Variants in CADPS observed in about 807,000 individuals in gnomAD.
The protein encoded by CADPS is calcium dependent secretion activator.
CADPS carries 57 observed loss-of-function variants against 167.3 expected under a neutral mutation model. The observed-to-expected ratio is 0.34, with a 90% CI of 0.28 to 0.42. CADPS has a LOEUF of 0.42. Among genes scored for constraint, CADPS ranks in the 20% least tolerant of loss-of-function variants. The pLI, the probability that CADPS is intolerant of heterozygous loss-of-function variation, is 1.00. For synonymous variants in CADPS, 676 were observed against 635.3 expected (o/e 1.06, Z -0.96); for missense variants, 1,414 against 1,738.1 (o/e 0.81, Z 3.32).
At chr3:62,428,486 G>A (rs1044975607) in intron 28 of CADPS, among the ~76,000 whole-genome samples, 1 of 151,842 alleles carries the variant, frequency 6.6e-6, no homozygotes, top group Non-Finnish European at 1.5e-5. Flanking sequence ...GGAGAAGAGG[G>A]TCCTGGATGT....
intron 6 of CADPS, among the ~76,000 whole-genome samples, chr3:62,623,652 G>C (rs1398473792): frequency 6.6e-6 from 1 of 152,100 alleles, no homozygotes; most frequent in African/African-American, 2.4e-5. Context: ...ATAGTGTGAG[G>C]AGTGTTAGAT....
At chr3:62,713,708 G>A (rs1428529338) in intron 3 of CADPS, among the ~76,000 whole-genome samples, 2 of 152,040 alleles carry the variant, frequency 1.3e-5, no homozygotes, top group Admixed American at 6.5e-5. Flanking sequence ...ACCCCTCCTG[G>A]GCTAAGCCTC....
chr3:62,557,636 AC>A, intron 9 of CADPS, 123 bp from the exon 10 acceptor site: 1 of 735,830 alleles, frequency 1.4e-6, no homozygotes, highest in Non-Finnish European at 2.4e-6. Context: ...GAGTTTTGCT[AC>A]CTCCTGGCTG....
chr3:62,838,328 G>T (rs987399479), intron 1 of CADPS, among the ~76,000 whole-genome samples: 18 of 152,182 alleles, frequency 1.2e-4, no homozygotes, highest in African/African-American at 4.3e-4. Context: ...TTTATAGAAG[G>T]TAACTTTAGC....
chr3:62,598,199 G>A (rs562954780), intron 6 of CADPS, among the ~76,000 whole-genome samples: 78 of 152,140 alleles, frequency 5.1e-4, no homozygotes, highest in Non-Finnish European at 1.0e-3. Context: ...CCTTCTGAAT[G>A]TAGAAGATGT....
chr3:62,634,665 T>A (rs1420785874), intron 6 of CADPS, among the ~76,000 whole-genome samples: 2 of 152,188 alleles, frequency 1.3e-5, no homozygotes, highest in African/African-American at 2.4e-5. Context: ...CTATTTGGTC[T>A]CCTAAAGGCA....
intron 6 of CADPS, among the ~76,000 whole-genome samples, chr3:62,596,308 G>A (rs2058933204): frequency 6.6e-6 from 1 of 151,278 alleles, no homozygotes; most frequent in African/African-American, 2.4e-5. Context: ...TGATTCTCCT[G>A]CCTCAGCCTC....
chr3:62,551,916 C>T (rs2077377571), intron 10 of CADPS, among the ~76,000 whole-genome samples: 1 of 152,034 alleles, frequency 6.6e-6, no homozygotes, highest in South Asian at 2.1e-4. Context: ...TATCTCTTAT[C>T]TTGCTTAATT....
chr3:62,544,678 G>A lies in CADPS; in HGVS notation c.1966+5225C>T, dbSNP rs1008101432. Among the ~76,000 whole-genome samples the A allele has an allele frequency of 6.6e-6, 1 of 152,102 alleles. No homozygotes were observed. Among genetic ancestry groups the A allele is most frequent in the African/African-American group, 2.4e-5 (1 of 41,420 alleles). On this transcript the variant is annotated intron_variant, in intron 11 of 29. Coordinates refer to ENST00000383710, the MANE Select transcript of CADPS (RefSeq NM_003716.4). This position sits in a 1 kb window ranked among gnomAD's most constrained non-coding sequence, Gnocchi z 4.4. ...TTATGCACACATCACATGCATCCTA[G>A]TTTCAGTATGGAAGCTTACATTTCA...
At chr3:62,596,637 T>C (rs2058983859) in intron 6 of CADPS, among the ~76,000 whole-genome samples, 1 of 152,228 alleles carries the variant, frequency 6.6e-6, no homozygotes. Flanking sequence ...GAAAATATGC[T>C]ATTAATTATT....
chr3:62,526,395 GA>G (rs2072232788), intron 13 of CADPS, among the ~76,000 whole-genome samples: 1 of 152,142 alleles, frequency 6.6e-6, no homozygotes, highest in Non-Finnish European at 1.5e-5. Context: ...GGCCATATGT[GA>G]AGAGCAGCAC....
chr3:62,497,318 G>A (rs1043771648), intron 18 of CADPS, among the ~76,000 whole-genome samples: 10 of 152,154 alleles, frequency 6.6e-5, no homozygotes, highest in African/African-American at 2.2e-4. Flanking sequence ...TTGTGACTGA[G>A]AAAACTGTGC....
At position 62,592,532 on chromosome 3, in the gene CADPS, A is replaced by G. The variant is rs532023369; in HGVS notation, c.1437+105T>C. The G allele has an allele frequency of 5.0e-6, 4 of 800,278 alleles. No individual in the cohort carries two copies. In the South Asian group the frequency reaches 6.5e-5, roughly 13 times the overall value. The allele number at this position is 800,278 out of a possible 1,614,324, so 49.6% of individuals were successfully genotyped here. On this transcript the variant is annotated intron_variant, in intron 7 of 29. Transcript: ENST00000383710. ...GTCCAGGACTTAATGTTCAAAACTG[A>G]GCCTCTCAGCACTTGGCAATGCTGC...
chr3:62,845,263 G>A (rs1368587188), intron 1 of CADPS, among the ~76,000 whole-genome samples: 1 of 152,142 alleles, frequency 6.6e-6, no homozygotes, highest in African/African-American at 2.4e-5. Context: ...GGAAGACCGA[G>A]CTGCATATCC....
chr3:62,442,959 G>A (rs1267938015), intron 27 of CADPS, among the ~76,000 whole-genome samples: 1 of 151,930 alleles, frequency 6.6e-6, no homozygotes, highest in East Asian at 1.9e-4. Flanking sequence ...CTATAAAATT[G>A]TTATTTATTT....
At chr3:62,510,144 C>T (rs2067471708) in intron 17 of CADPS, among the ~76,000 whole-genome samples, 1 of 151,972 alleles carries the variant, frequency 6.6e-6, no homozygotes, top group Non-Finnish European at 1.5e-5. Context: ...CTCTCCTCTC[C>T]TTTCCTCTCC....
chr3:62,446,723 C>G lies in CADPS; in HGVS notation c.3637-926G>C, dbSNP rs534287302. ...AGTACTGTGAAAAGTCAATGAACAGCTGGGTTTGAGAAATAAAGCCTATGG... is the reference window on the plus strand; with the variant it reads ...AGTACTGTGAAAAGTCAATGAACAGGTGGGTTTGAGAAATAAAGCCTATGG... On this transcript the variant is annotated intron_variant, in intron 26 of 29. Coordinates refer to ENST00000383710, the MANE Select transcript of CADPS (RefSeq NM_003716.4). The surrounding 1 kb of genome is among the most constrained non-coding windows in gnomAD (Gnocchi z 4.9). 6.2e-4 allele frequency among the ~76,000 whole-genome samples: 94 copies of G among 152,222 alleles called. No individual in the cohort carries two copies. The highest frequency in any genetic ancestry group is 1.8e-3 in the African/African-American group (73 of 41,538).
At chr3:62,510,857 A>C (rs2067658118) in intron 17 of CADPS, among the ~76,000 whole-genome samples, 1 of 152,182 alleles carries the variant, frequency 6.6e-6, no homozygotes, top group African/African-American at 2.4e-5. Flanking sequence ...GAAAGAAAAA[A>C]CATTTAAAGG....
intron 2 of CADPS, among the ~76,000 whole-genome samples, chr3:62,760,998 G>T (rs916929957): frequency 2.6e-5 from 4 of 152,126 alleles, no homozygotes; most frequent in Admixed American, 2.0e-4. Flanking sequence ...TCTGAGCTTG[G>T]TCAGTAAGAC....
Sources: allele counts gnomAD v4.1 joint callset (sites outside exome capture counted in the v4.1 genomes callset), GRCh38; gene constraint gnomAD v4.1.1; non-coding constraint Gnocchi (gnomAD v3.1); transcripts MANE v1.5; gene names NCBI Gene and HGNC (gene_info 2026-07-23, HGNC 2026-07-21).